LRMDA: variants seen among roughly 807,000 people sequenced by gnomAD.
The protein encoded by LRMDA is leucine rich melanocyte differentiation associated, also known as leucine-rich melanocyte differentiation-associated protein.
LRMDA carries 18 observed loss-of-function variants against 29.8 expected under a neutral mutation model. That is an observed-to-expected ratio of 0.60 (90% CI 0.42 to 0.90). The LOEUF is 0.90. LRMDA is among the 40% of genes least tolerant of loss of function. LRMDA has a pLI of 0.00. For missense variants in LRMDA, 273 were observed against 273.9 expected, an observed-to-expected ratio of 1.00 and a Z score of 0.02; for synonymous variants, 125 against 109.4, an observed-to-expected ratio of 1.14 and a Z score of -0.89.
At chr10:76,031,009 G>A (rs1190159001) in intron 2 of LRMDA, among the ~76,000 whole-genome samples, 2 of 152,188 alleles carry the variant, frequency 1.3e-5, no homozygotes, top group African/African-American at 4.8e-5. Context: ...TGGAGTGGTG[G>A]GGGGAGTATA....
intron 5 of LRMDA, among the ~76,000 whole-genome samples, chr10:76,247,126 A>G (rs2132292112): frequency 6.6e-6 from 1 of 152,322 alleles, no homozygotes; most frequent in East Asian, 1.9e-4. Context: ...ATCCCAGAAT[A>G]GCTTAACTAC....
At chr10:76,396,084 C>T in intron 6 of LRMDA, among the ~76,000 whole-genome samples, 1 of 152,104 alleles carries the variant, frequency 6.6e-6, no homozygotes, top group South Asian at 2.1e-4. Context: ...GTGGTTTTTC[C>T]CCCTGAACCT....
rs1325495798 is a variant in LRMDA, at chr10:75,684,872, C to T, written c.131+246378C>T. Among the ~76,000 whole-genome samples, 6 of 152,310 alleles carry T rather than the reference C, an allele frequency of 3.9e-5. No individual in the cohort carries two copies. In the East Asian group the frequency reaches 9.7e-4, roughly 25 times the overall value. On this transcript the variant is annotated intron_variant, in intron 2 of 6. Transcript: ENST00000611255. ...CAGTGAGGCAGCCGAATGCAGCTGC[C>T]TCTCATCCCACCAAAGAGAAAATAT... is the stretch of plus-strand genomic sequence containing the variant.
intron 6 of LRMDA, among the ~76,000 whole-genome samples, chr10:76,483,177 T>A (rs1842748511): frequency 6.6e-6 from 1 of 151,976 alleles, no homozygotes; most frequent in Non-Finnish European, 1.5e-5. Context: ...CCCTTAATGG[T>A]GTATTTTGAT....
intron 2 of LRMDA, among the ~76,000 whole-genome samples, chr10:75,628,879 C>T (rs1362700722): frequency 6.6e-6 from 1 of 152,236 alleles, no homozygotes; most frequent in Non-Finnish European, 1.5e-5. Context: ...GCCTTTCACA[C>T]TGCTTCGTGG....
At chr10:75,543,222 C>T (rs1489578357) in intron 2 of LRMDA, among the ~76,000 whole-genome samples, 1 of 152,206 alleles carries the variant, frequency 6.6e-6, no homozygotes, top group East Asian at 1.9e-4. Flanking sequence ...TGTTCCCTCT[C>T]TCGCATGAGG....
At chr10:76,006,870 T>C (rs1375844695) in intron 2 of LRMDA, among the ~76,000 whole-genome samples, 1 of 152,134 alleles carries the variant, frequency 6.6e-6, no homozygotes, top group African/African-American at 2.4e-5. Context: ...ATTTTAGAGA[T>C]GCAATTTGAA....
chr10:76,158,310 A>G (rs74150525), intron 5 of LRMDA, among the ~76,000 whole-genome samples: 2,762 of 152,064 alleles, frequency 0.018, 78 homozygotes, highest in African/African-American at 0.061. Flanking sequence ...TTGCTTTCCT[A>G]TATAAAACCT....
chr10:76,447,923 A>G (rs1490393784), intron 6 of LRMDA, among the ~76,000 whole-genome samples: 1 of 152,174 alleles, frequency 6.6e-6, no homozygotes, highest in African/African-American at 2.4e-5. Context: ...TGTATTGGGT[A>G]TAGATACAAC....
At chr10:76,115,587 T>C (rs1469856103) in intron 5 of LRMDA, among the ~76,000 whole-genome samples, 1 of 152,206 alleles carries the variant, frequency 6.6e-6, no homozygotes, top group Non-Finnish European at 1.5e-5. Flanking sequence ...TTAATCTCTC[T>C]GTGAAGTTTG....
intron 2 of LRMDA, among the ~76,000 whole-genome samples, chr10:75,773,188 C>T (rs61860541): frequency 0.12 from 18,800 of 152,146 alleles, 1,447 homozygotes; most frequent in South Asian, 0.25. Flanking sequence ...ACCAGTAACA[C>T]ATCCTTTGTG....
At position 75,613,394 on chromosome 10, in the gene LRMDA, C is replaced by T. The variant is rs138471375; in HGVS notation, c.131+174900C>T. Among the ~76,000 whole-genome samples the T allele has an allele frequency of 4.9e-3, 748 of 152,178 alleles. 3 individuals are homozygous for T. Among genetic ancestry groups the T allele is most frequent in the Non-Finnish European group, 6.6e-3 (452 of 68,008 alleles). On this transcript the variant is annotated intron_variant, in intron 2 of 6. Coordinates refer to ENST00000611255, the MANE Select transcript of LRMDA (RefSeq NM_001305581.2). Reference sequence around the variant, plus strand: ...AGGCAATGAGTGGTGTCCTAAGAAACGGAGAGGATGGAGGGGAACATTGTT... The same window carrying T: ...AGGCAATGAGTGGTGTCCTAAGAAATGGAGAGGATGGAGGGGAACATTGTT...
At chr10:76,403,949 C>G (rs919336097) in intron 6 of LRMDA, among the ~76,000 whole-genome samples, 4 of 152,152 alleles carry the variant, frequency 2.6e-5, no homozygotes, top group African/African-American at 4.8e-5. Context: ...GGTGCCCGCT[C>G]TCCACTAGTG....
At chr10:76,032,520 T>A (rs1053572083) in intron 2 of LRMDA, among the ~76,000 whole-genome samples, 3 of 152,198 alleles carry the variant, frequency 2.0e-5, no homozygotes, top group South Asian at 4.1e-4. Context: ...TGCGTTGTGA[T>A]GTTTTGTCAT....
chr10:75,827,119 C>T (rs541461189), intron 2 of LRMDA, among the ~76,000 whole-genome samples: 4 of 152,246 alleles, frequency 2.6e-5, no homozygotes, highest in African/African-American at 9.6e-5. Flanking sequence ...CCTCTCTGGG[C>T]CCCCATTTCC....
chr10:76,064,603 A>ACTACACTG (rs1848754598), intron 5 of LRMDA, among the ~76,000 whole-genome samples: 1 of 152,146 alleles, frequency 6.6e-6, no homozygotes, highest in Non-Finnish European at 1.5e-5. Flanking sequence ...CTTATTCTAA[A>ACTACACTG]CTACACTGCG....
chr10:75,654,644 A>G (rs769773365), intron 2 of LRMDA, among the ~76,000 whole-genome samples: 4 of 152,230 alleles, frequency 2.6e-5, no homozygotes, highest in Non-Finnish European at 5.9e-5. Context: ...TTAGCACAAG[A>G]AGTAAAACCA....
chr10:76,223,610 G>A (rs935981976), intron 5 of LRMDA, among the ~76,000 whole-genome samples: 1 of 152,066 alleles, frequency 6.6e-6, no homozygotes, highest in Admixed American at 6.6e-5. Context: ...TTACCTGTGG[G>A]CTCCCAGAGA....
At chr10:75,768,093 A>G (rs938906504) in intron 2 of LRMDA, among the ~76,000 whole-genome samples, 2 of 152,210 alleles carry the variant, frequency 1.3e-5, no homozygotes, top group African/African-American at 4.8e-5. Flanking sequence ...TCTAGTCTCC[A>G]GGACTGTGGG....
Sources: allele counts gnomAD v4.1 joint callset (sites outside exome capture counted in the v4.1 genomes callset), GRCh38; gene constraint gnomAD v4.1.1; transcripts MANE v1.5; gene names NCBI Gene and HGNC (gene_info 2026-07-23, HGNC 2026-07-21).